The following ADORA1 variants were observed in gnomAD, a reference collection of about 807,000 sequenced individuals.
ADORA1 encodes adenosine receptor A1.
Under a neutral mutation model 19.9 loss-of-function variants are expected in ADORA1, and 6 were observed. The ratio of observed to expected loss-of-function variants is 0.30; its 90% confidence interval spans 0.17 to 0.59. ADORA1 has a LOEUF of 0.59. ADORA1 is among the 20% of genes least tolerant of loss of function. ADORA1 has a pLI of 0.87. For missense variants in ADORA1, 302 were observed against 439.2 expected, an observed-to-expected ratio of 0.69 and a Z score of 2.79; for synonymous variants, 194 against 188.4, an observed-to-expected ratio of 1.03 and a Z score of -0.24.
At chr1:203,131,945 T>A (rs17464408) in intron 3 of ADORA1, among the ~76,000 whole-genome samples, 40,262 of 152,100 alleles carry the variant, frequency 0.26, 6,039 homozygotes, top group South Asian at 0.38. Flanking sequence ...GACCGAGCAC[T>A]GGTGAGGCGT....
At chr1:203,155,104 G>A (rs1403935251) in intron 3 of ADORA1, among the ~76,000 whole-genome samples, 2 of 151,418 alleles carry the variant, frequency 1.3e-5, no homozygotes, top group Non-Finnish European at 2.9e-5. Context: ...CTGGAGTTCA[G>A]TGGCATGGCT....
chr1:203,157,292 C>T (rs938492969), intron 3 of ADORA1, among the ~76,000 whole-genome samples: 1 of 152,236 alleles, frequency 6.6e-6, no homozygotes, highest in African/African-American at 2.4e-5. Context: ...GATAGGTTCC[C>T]CATTCCAAAG....
In ADORA1 at chr1:203,165,635, T is replaced by A; in HGVS notation, c.716T>A (p.Ile239Asn). The A allele has an allele frequency of 6.2e-7, 1 of 1,611,548 alleles. No homozygotes were observed. The highest frequency in any genetic ancestry group is 8.5e-7 in the Non-Finnish European group (1 of 1,178,082). The change falls in exon 4 of 4, where the codon ATC becomes AAC. Residue 239 changes from isoleucine to asparagine, a missense_variant. Physicochemically the swap from Ile to Asn is moderately radical, Grantham distance 149. Coordinates refer to ENST00000337894, the MANE Select transcript of ADORA1 (RefSeq NM_000674.3). The surrounding 1 kb of genome is among the most constrained non-coding windows in gnomAD (Gnocchi z 5.9). ...ELKIAKSLALILFLFALSWLP... is the reference protein window; with the variant it reads ...ELKIAKSLALNLFLFALSWLP... ...AAGATCGCCAAGTCGCTGGCCCTCA[T>A]CCTCTTCCTCTTTGCCCTCAGCTGG...
chr1:203,132,561 G>A (rs1026122597), intron 3 of ADORA1, among the ~76,000 whole-genome samples: 4 of 152,124 alleles, frequency 2.6e-5, no homozygotes, highest in African/African-American at 9.7e-5. Flanking sequence ...AGGGGTTGGA[G>A]GTGGGGCATG....
At chr1:203,129,294 TG>T in intron 3 of ADORA1, 112 bp downstream of exon 3, 1 of 1,474,866 alleles carries the variant, frequency 6.8e-7, no homozygotes, top group Non-Finnish European at 8.9e-7. Flanking sequence ...AGATGTTCTT[TG>T]GGCCATCGTG....
chr1:203,129,397 T>A, intron 3 of ADORA1: 1 of 650,784 alleles, frequency 1.5e-6, no homozygotes, highest in Non-Finnish European at 1.9e-6. Context: ...ACTGTGAACT[T>A]ACCAGTGCCC....
intron 3 of ADORA1, among the ~76,000 whole-genome samples, chr1:203,143,782 T>C (rs1016770031): frequency 2.0e-5 from 3 of 152,328 alleles, no homozygotes; most frequent in Non-Finnish European, 2.9e-5. Context: ...GAAGTTCACA[T>C]GTTCAAGTCA....
intron 3 of ADORA1, among the ~76,000 whole-genome samples, chr1:203,145,686 C>T (rs1415552186): frequency 6.6e-6 from 1 of 152,212 alleles, no homozygotes; most frequent in Non-Finnish European, 1.5e-5. Context: ...TGAAGTGGAA[C>T]TAGTATTATA....
rs1464974644 is a variant in ADORA1, at chr1:203,167,153, G to A, written c.*1253G>A. 1 of 152,718 alleles carries A rather than the reference G, an allele frequency of 6.5e-6. No individual in the cohort carries two copies. The highest frequency in any genetic ancestry group is 2.4e-5 in the African/African-American group (1 of 40,956). 9.5% of individuals were successfully genotyped at this position (152,718 alleles called of 1,614,324 possible). On this transcript the variant is annotated 3_prime_UTR_variant, in exon 4 of 4. Transcript: ENST00000337894. ...TGGAGCCCCTGTGTTGGGGGGCAAG[G>A]TGGGGGAGCCTGGAGCCCCTGTGTG... is the stretch of plus-strand genomic sequence containing the variant.
At chr1:203,164,491 T>C (rs1157393415) in intron 3 of ADORA1, among the ~76,000 whole-genome samples, 2 of 152,186 alleles carry the variant, frequency 1.3e-5, no homozygotes, top group African/African-American at 2.4e-5. Flanking sequence ...TCAGTGAATA[T>C]CAGTTTTCTT....
chr1:203,152,267 G>A (rs1655061106), intron 3 of ADORA1, among the ~76,000 whole-genome samples: 1 of 152,198 alleles, frequency 6.6e-6, no homozygotes, highest in South Asian at 2.1e-4. Context: ...TTCTTTGGGG[G>A]TCCAGCATGG....
intron 3 of ADORA1, among the ~76,000 whole-genome samples, chr1:203,146,053 G>C (rs887050299): frequency 1.3e-5 from 2 of 152,022 alleles, no homozygotes; most frequent in Non-Finnish European, 2.9e-5. Flanking sequence ...CCTCCTTCCA[G>C]CTCCTCTGGG....
chr1:203,159,011 TG>T (rs1655283405), intron 3 of ADORA1, among the ~76,000 whole-genome samples: 1 of 152,240 alleles, frequency 6.6e-6, no homozygotes, highest in South Asian at 2.1e-4. Context: ...TCAACATTGT[TG>T]CATTGGGGAT....
intron 3 of ADORA1, 147 bp downstream of exon 3, chr1:203,129,329 C>T (rs1029128549): frequency 6.3e-6 from 9 of 1,423,712 alleles, no homozygotes; most frequent in African/African-American, 2.9e-5. Flanking sequence ...TCTGCCTTTC[C>T]GTGCTCCGCT....
intron 3 of ADORA1, among the ~76,000 whole-genome samples, chr1:203,145,470 G>A (rs2102748773): frequency 1.3e-5 from 2 of 152,388 alleles, no homozygotes; most frequent in African/African-American, 2.4e-5. Flanking sequence ...CCGGCCGCCT[G>A]TAAGGATCCG....
intron 3 of ADORA1, among the ~76,000 whole-genome samples, chr1:203,163,839 C>T (rs979470160): frequency 2.0e-5 from 3 of 152,140 alleles, no homozygotes; most frequent in African/African-American, 7.2e-5. Context: ...AGGAGAAAGC[C>T]GCAGATTCTG....
intron 3 of ADORA1, among the ~76,000 whole-genome samples, chr1:203,141,820 C>A (rs368207804): frequency 1.3e-5 from 2 of 151,996 alleles, no homozygotes; most frequent in African/African-American, 4.8e-5. Context: ...TGGCCTCAAG[C>A]GATCCATCTG....
Position 203,128,368 on chromosome 1 carries a change from G to T in ADORA1, c.-122G>T. ...AGCCCAGCCCTACCGCGCGCGGCCC[G>T]GAGCTCTGTTCCCTGGAACTTTGGG... On this transcript the variant is annotated 5_prime_UTR_variant, in exon 2 of 4. Transcript: ENST00000337894. The surrounding 1 kb of genome is among the most constrained non-coding windows in gnomAD (Gnocchi z 5.9). 1 of 1,290,336 alleles carries T rather than the reference G, an allele frequency of 7.7e-7. No homozygotes were observed. Among genetic ancestry groups the T allele is most frequent in the Non-Finnish European group, 1.0e-6 (1 of 989,422 alleles). The allele number at this position is 1,290,336 out of a possible 1,614,324, so 79.9% of individuals were successfully genotyped here.
intron 3 of ADORA1, among the ~76,000 whole-genome samples, chr1:203,154,567 C>T (rs1284201777): frequency 2.0e-5 from 3 of 152,130 alleles, no homozygotes; most frequent in African/African-American, 4.8e-5. Context: ...AAGCCGCACC[C>T]ATGGTGGGCT....
Sources: gnomAD v4.1 joint callset for allele counts (sites outside exome capture counted in the v4.1 genomes callset) on GRCh38, gnomAD v4.1.1 for gene constraint, Gnocchi (gnomAD v3.1) non-coding constraint, MANE v1.5 for transcripts, NCBI Gene and HGNC (gene_info 2026-07-23, HGNC 2026-07-21) for gene names.